Variants in LIMA1 observed in about 807,000 individuals in gnomAD.
The protein encoded by LIMA1 is LIM domain and actin-binding protein 1.
A neutral mutation model predicts 62.6 loss-of-function variants in LIMA1; 52 were observed. The observed-to-expected ratio is 0.83, with a 90% CI of 0.67 to 1.05. The LOEUF (loss-of-function observed/expected upper bound fraction) is 1.05, where lower values mean the gene tolerates loss of function less well. Ranked by LOEUF, LIMA1 falls within the 50% of genes least tolerant of loss-of-function variation. The pLI is 0.00. For missense variants in LIMA1, 780 were observed against 902.2 expected, an observed-to-expected ratio of 0.86 and a Z score of 1.74; for synonymous variants, 302 against 317.8, an observed-to-expected ratio of 0.95 and a Z score of 0.53.
chr12:50,263,851 T>TAGAG (rs1215742051), intron 1 of LIMA1, among the ~76,000 whole-genome samples: 73 of 127,884 alleles, frequency 5.7e-4, no homozygotes, highest in African/African-American at 2.0e-3. Flanking sequence ...TATATATATA[T>TAGAG]AGAGAGTATA....
At chr12:50,179,426 C>T (rs1176227338) in intron 10 of LIMA1, among the ~76,000 whole-genome samples, 3 of 141,710 alleles carry the variant, frequency 2.1e-5, no homozygotes, top group African/African-American at 7.8e-5. Context: ...AGGCGTGAGC[C>T]ACCACGCCCA....
At chr12:50,239,412 G>A (rs1338402337) in intron 2 of LIMA1, among the ~76,000 whole-genome samples, 1 of 152,214 alleles carries the variant, frequency 6.6e-6, no homozygotes, top group Non-Finnish European at 1.5e-5. Flanking sequence ...GCTGAGTCGA[G>A]TAGATCACTT....
intron 1 of LIMA1, among the ~76,000 whole-genome samples, chr12:50,253,629 T>A (rs1037182892): frequency 2.6e-5 from 4 of 152,140 alleles, no homozygotes; most frequent in Admixed American, 6.5e-5. Flanking sequence ...GTGGTGAATA[T>A]CAGAGATAAT....
At position 50,177,154 on chromosome 12, in the gene LIMA1, T is replaced by C. The variant is rs1016787196; in HGVS notation, c.2190A>G (p.Glu730=). Residue 730 remains glutamate, a synonymous_variant, in exon 11 of 11, where the codon GAA becomes GAG. Coordinates refer to ENST00000341247, the MANE Select transcript of LIMA1 (RefSeq NM_016357.5). The stretch of plus-strand genomic sequence containing the variant: ...CTTTGACCACTTCTCCCTCCCAGAG[T>C]TCCACATCCTGGGATTTCTGATTCT... ...TTQNQKSQDV[E]LWEGEVVKEL... 7 of 1,613,864 alleles carry C rather than the reference T, an allele frequency of 4.3e-6. No homozygotes were observed. Among genetic ancestry groups the C allele is most frequent in the Non-Finnish European group, 5.9e-6 (7 of 1,179,988 alleles).
At chr12:50,252,441 C>T (rs1043040699) in intron 1 of LIMA1, among the ~76,000 whole-genome samples, 3 of 151,826 alleles carry the variant, frequency 2.0e-5, no homozygotes, top group Admixed American at 1.3e-4. Flanking sequence ...ATTAGCTGGG[C>T]GTGGTGGCAC....
chr12:50,218,895 T>TAAA (rs1409254811), intron 4 of LIMA1, among the ~76,000 whole-genome samples: 116 of 73,972 alleles, frequency 1.6e-3, no homozygotes, highest in Middle Eastern at 8.9e-3. Flanking sequence ...CCTATCTCCA[T>TAAA]AAAAAAAAAA....
At chr12:50,193,503 A>G (rs1023005117) in intron 8 of LIMA1, among the ~76,000 whole-genome samples, 2 of 131,574 alleles carry the variant, frequency 1.5e-5, no homozygotes, top group African/African-American at 5.6e-5. Context: ...TATATCATAT[A>G]TGTGTATATA....
At chr12:50,245,996 G>A (rs1941843452) in intron 2 of LIMA1, among the ~76,000 whole-genome samples, 1 of 152,050 alleles carries the variant, frequency 6.6e-6, no homozygotes, top group African/African-American at 2.4e-5. Context: ...CACTTTGGGA[G>A]GTCGAGGTGG....
At chr12:50,178,966 A>AT (rs1555203081) in intron 10 of LIMA1, among the ~76,000 whole-genome samples, 3,343 of 128,946 alleles carry the variant, frequency 0.026, 90 homozygotes, top group East Asian at 0.1. Flanking sequence ...ATATATATAT[A>AT]TTTTTTTTTT....
At chr12:50,263,742 G>A (rs1284780420) in intron 1 of LIMA1, among the ~76,000 whole-genome samples, 1 of 149,676 alleles carries the variant, frequency 6.7e-6, no homozygotes, top group Admixed American at 6.8e-5. Flanking sequence ...TTCCTCAAAA[G>A]ATTAAACACA....
chr12:50,232,455 C>T (rs961821019), intron 2 of LIMA1, among the ~76,000 whole-genome samples: 41 of 151,420 alleles, frequency 2.7e-4, no homozygotes, highest in African/African-American at 7.5e-4. Flanking sequence ...CTGCAACCTC[C>T]GCCTCCAGGG....
Position 50,222,209 on chromosome 12 carries a change from C to T in LIMA1, c.442G>A (p.Gly148Ser). 2 of 1,614,122 alleles carry T rather than the reference C, an allele frequency of 1.2e-6. No individual in the cohort carries two copies. Among genetic ancestry groups the T allele is most frequent in the South Asian group, 1.1e-5 (1 of 91,080 alleles). Residue 148 changes from glycine to serine, a missense_variant, in exon 4 of 11, where the codon GGT (glycine) becomes AGT (serine). By Grantham distance (56) the Gly-to-Ser change is moderately conservative. Coordinates refer to ENST00000341247, the MANE Select transcript of LIMA1 (RefSeq NM_016357.5). ...VQGRYPHIKDGEDLKDHSTES... is the reference protein window; with the variant it reads ...VQGRYPHIKDSEDLKDHSTES... Reference sequence around the variant, plus strand: ...GTTGAGTGGTCTTTAAGATCCTCACCGTCCTTGATGTGGGGATATCGACCC... The same window carrying T: ...GTTGAGTGGTCTTTAAGATCCTCACTGTCCTTGATGTGGGGATATCGACCC...
intron 1 of LIMA1, among the ~76,000 whole-genome samples, chr12:50,253,535 G>A (rs1012451395): frequency 6.6e-6 from 1 of 152,172 alleles, no homozygotes; most frequent in Non-Finnish European, 1.5e-5. Flanking sequence ...TAGAAAACCA[G>A]CTAGAAAAAT....
At chr12:50,242,361 GTT>G (rs922030578) in intron 2 of LIMA1, among the ~76,000 whole-genome samples, 1 of 143,702 alleles carries the variant, frequency 7.0e-6, no homozygotes, top group African/African-American at 2.5e-5. Flanking sequence ...AACGCTCTTT[GTT>G]TTTTTTTTTT....
intron 3 of LIMA1, among the ~76,000 whole-genome samples, chr12:50,225,672 C>A (rs529937690): frequency 1.3e-5 from 2 of 152,172 alleles, no homozygotes; most frequent in African/African-American, 4.8e-5. Flanking sequence ...CTTGCCTCAG[C>A]CTCTCAAGTA....
intron 1 of LIMA1, among the ~76,000 whole-genome samples, chr12:50,272,207 T>G (rs1942219802): frequency 1.3e-5 from 2 of 152,006 alleles, no homozygotes; most frequent in Admixed American, 1.3e-4. Context: ...TCAGATCAGT[T>G]TAACCAATAC....
intron 1 of LIMA1, among the ~76,000 whole-genome samples, chr12:50,249,027 T>C (rs559667664): frequency 2.0e-5 from 3 of 152,360 alleles, no homozygotes; most frequent in East Asian, 1.9e-4. Context: ...CAAACATCAA[T>C]TGGCCTTTCC....
At chr12:50,259,394 C>T (rs552275952) in intron 1 of LIMA1, among the ~76,000 whole-genome samples, 2 of 152,272 alleles carry the variant, frequency 1.3e-5, no homozygotes, top group South Asian at 4.1e-4. Flanking sequence ...GTATTTAATA[C>T]ATTGCTTTCT....
At position 50,234,883 on chromosome 12, in the gene LIMA1, C is replaced by T. The variant is rs189628188; in HGVS notation, c.120-3173G>A. ...ACAAAAATTAGCCAGGTGTGGTGCA[C>T]GCCTGCAGTCCCAGCTACCGGGGAG... is the stretch of plus-strand genomic sequence containing the variant. On this transcript the variant is annotated intron_variant, in intron 2 of 10. Transcript: ENST00000341247. Among the ~76,000 whole-genome samples the T allele has an allele frequency of 6.2e-4, 94 of 151,970 alleles. 2 individuals are homozygous for T. Among genetic ancestry groups the T allele is most frequent in the Admixed American group, 6.2e-3 (94 of 15,250 alleles).
Sources: allele counts gnomAD v4.1 joint callset (sites outside exome capture counted in the v4.1 genomes callset), GRCh38; gene constraint gnomAD v4.1.1; transcripts MANE v1.5; gene names NCBI Gene and HGNC (gene_info 2026-07-23, HGNC 2026-07-21).